The following VILL variants were observed in gnomAD, a reference collection of about 807,000 sequenced individuals.
VILL encodes the protein villin-like protein.
A neutral mutation model predicts 106.3 loss-of-function variants in VILL; 102 were observed. The observed-to-expected ratio is 0.96, with a 90% confidence interval of 0.82 to 1.13. VILL has a LOEUF of 1.13. VILL is among the 50% of genes most tolerant of loss of function. VILL has a pLI of 0.00. For synonymous variants in VILL, 431 were observed against 440.3 expected, an observed-to-expected ratio of 0.98 and a Z score of 0.27; for missense variants, 1,076 against 1,116.6, an observed-to-expected ratio of 0.96 and a Z score of 0.52.
At position 38,004,414 on chromosome 3, in the gene VILL, C is replaced by A; in HGVS notation, c.1950+15C>A. 1 of 1,599,470 alleles carries A rather than the reference C, an allele frequency of 6.3e-7. No individual in the cohort carries two copies. Among genetic ancestry groups the A allele is most frequent in the Non-Finnish European group, 8.6e-7 (1 of 1,167,886 alleles). The stretch of plus-strand genomic sequence containing the variant: ...CCTGGCAGGAGGTAAGGTGGCCATC[C>A]CTGCCTGGTGGGGCTGTGAACGGGG... On this transcript the variant is annotated intron_variant, in intron 16 of 19. Coordinates refer to ENST00000383759, the MANE Select transcript of VILL (RefSeq NM_015873.4).
rs138976453 is a variant in VILL at position 38,004,293 on chromosome 3, T to G, written c.1844T>G (p.Phe615Cys). The change falls in exon 16 of 20, where the codon TTT (phenylalanine) becomes TGT (cysteine). Residue 615 changes from phenylalanine (F) to cysteine (C), a missense_variant. Phe to Cys is a radical substitution (Grantham distance 205, BLOSUM62 -2). Coordinates refer to ENST00000383759, the MANE Select transcript of VILL (RefSeq NM_015873.4). ...GTCCCCAGCTTCCAGCCACGACTGT[T>G]TGAGTGCTCCAGCCACATGGGCTGC... ...EEVPSFQPRL[F>C]ECSSHMGCLV... The G allele has an allele frequency of 5.0e-6, 8 of 1,613,664 alleles. No individual in the cohort carries two copies. In the African/African-American group the frequency reaches 9.3e-5, roughly 19 times the overall value.
At chr3:37,989,519 G>T (rs953517318), upstream of VILL, among the ~76,000 whole-genome samples, 2 of 152,198 alleles carry the variant, frequency 1.3e-5, no homozygotes, top group African/African-American at 4.8e-5. Flanking sequence ...ACTGACTGCC[G>T]CTTGGTTGAC....
chr3:38,004,372 C>T lies in VILL; in HGVS notation c.1923C>T (p.Asp641=), dbSNP rs1438733345. The change falls in exon 16 of 20, where the codon GAC becomes GAT. Residue 641 remains aspartate (D), a synonymous_variant. Coordinates refer to ENST00000383759, the MANE Select transcript of VILL (RefSeq NM_015873.4). ...GCCAGGAGGACCTGGACAAGTATGACATCATGTTACTGGACACCTGGCAGG... is the reference window on the plus strand; with the variant it reads ...GCCAGGAGGACCTGGACAAGTATGATATCATGTTACTGGACACCTGGCAGG... ...FFSQEDLDKY[D]IMLLDTWQEI... 3 of 1,611,000 alleles carry T rather than the reference C, an allele frequency of 1.9e-6. No individual in the cohort carries two copies. In the South Asian group the frequency reaches 3.3e-5, roughly 18 times the overall value.
Position 38,001,440 on chromosome 3 carries a change from G to A in VILL, c.1183-16G>A. 1.9e-6 allele frequency: 3 copies of A among 1,613,048 alleles called. No individual in the cohort carries two copies. Among genetic ancestry groups the A allele is most frequent in the Non-Finnish European group, 2.5e-6 (3 of 1,179,388 alleles). The stretch of plus-strand genomic sequence containing the variant: ...GAAGAGCAGCCACCTGTGCCCATTG[G>A]TCCCTTATTCCCCAGGTGTGGTGCA... On this transcript the variant is annotated splice_polypyrimidine_tract_variant and intron_variant, in intron 11 of 19. Transcript: ENST00000383759.
intron 5 of VILL, 88 bp from the exon 6 acceptor site, chr3:37,996,989 T>G (rs1699713529): frequency 8.4e-7 from 1 of 1,185,478 alleles, no homozygotes; most frequent in Non-Finnish European, 1.2e-6. Context: ...TGCATACAGC[T>G]TCATGCACAC....
At chr3:38,005,658 C>A in intron 16 of VILL, 134 bp from the exon 17 acceptor site, 1 of 928,950 alleles carries the variant, frequency 1.1e-6, no homozygotes, top group Non-Finnish European at 1.6e-6. Flanking sequence ...CAGCCGCTTG[C>A]TGGGTGTGTC....
chr3:38,006,679 C>T lies in VILL; in HGVS notation c.2436C>T (p.Gly812=), dbSNP rs781044999. 2.7e-5 allele frequency: 44 copies of T among 1,607,988 alleles called. No homozygotes were observed. Among genetic ancestry groups the T allele is most frequent in the Non-Finnish European group, 3.3e-5 (39 of 1,176,338 alleles). The change falls in exon 19 of 20, where the codon GGC becomes GGT. Residue 812 remains glycine (G), a synonymous_variant. Transcript: ENST00000383759. ...MHQAVEDLPE[G]VDPARREFYL... ...AGGCTGTTGAGGACCTGCCAGAGGG[C>T]GTGGACCCTGCCCGCAGGGAGGTGG...
At chr3:37,993,809 C>T in intron 2 of VILL, 77 bp downstream of exon 2, 1 of 1,607,088 alleles carries the variant, frequency 6.2e-7, no homozygotes, top group East Asian at 2.2e-5. Flanking sequence ...TCTCCCGCCC[C>T]CAACTCAGAG....
rs73060813 is a variant in VILL, at chr3:37,997,441, G to A, written c.562-42G>A. Reference sequence around the variant, plus strand: ...ACAGGAGAAGTCTCTGCTGTGAGAGGGCACACTGGTGACACCCTGACTCCC... The same window carrying A: ...ACAGGAGAAGTCTCTGCTGTGAGAGAGCACACTGGTGACACCCTGACTCCC... On this transcript the variant is annotated intron_variant, in intron 6 of 19. Transcript: ENST00000383759. The surrounding 1 kb of genome is among the most constrained non-coding windows in gnomAD (Gnocchi z 4.7). The A allele has an allele frequency of 6.2e-7, 1 of 1,600,592 alleles. No individual in the cohort carries two copies. The highest frequency in any genetic ancestry group is 8.5e-7 in the Non-Finnish European group (1 of 1,172,800).
chr3:38,005,994 C>T lies in VILL; in HGVS notation c.2133+20C>T, dbSNP rs775505523. On this transcript the variant is annotated intron_variant, in intron 17 of 19. Transcript: ENST00000383759. ...TGGACTGTGAGTGAGGCCTGAAACC[C>T]CCAGCCCTACCCTAATTTGTGGGGA... is the stretch of plus-strand genomic sequence containing the variant. 6.3e-7 allele frequency: 1 copy of T among 1,599,850 alleles called. No homozygotes were observed. The highest frequency in any genetic ancestry group is 8.5e-7 in the Non-Finnish European group (1 of 1,170,678).
chr3:38,003,311 G>C lies in VILL; in HGVS notation c.1803G>C (p.Lys601Asn), dbSNP rs1255543113. The C allele has an allele frequency of 3.7e-6, 6 of 1,607,256 alleles. No homozygotes were observed. Among genetic ancestry groups the C allele is most frequent in the South Asian group, 1.1e-5 (1 of 89,960 alleles). The change falls in exon 15 of 20, where the codon AAG becomes AAC. Residue 601 changes from lysine (K) to asparagine (N), a missense_variant and splice_region_variant. By Grantham distance (94) the Lys-to-Asn change is moderately conservative. Coordinates refer to ENST00000383759, the MANE Select transcript of VILL (RefSeq NM_015873.4). ...GCCGGGCCCCCTACCCCAGCAACAA[G>C]AGGTAACAGGGTTGGGAGGAGAGTG... The part of the protein sequence containing the change: ...LGGRAPYPSN[K>N]RLPEEVPSFQ...
intron 4 of VILL, among the ~76,000 whole-genome samples, chr3:37,994,811 C>T (rs1478328851): frequency 6.6e-6 from 1 of 152,266 alleles, no homozygotes; most frequent in African/African-American, 2.4e-5. Flanking sequence ...TATACATTTG[C>T]CTCTTCCGGG....
intron 10 of VILL, 109 bp downstream of exon 10, chr3:37,999,159 AG>A (rs1699766528): frequency 7.8e-6 from 1 of 128,766 alleles, no homozygotes; most frequent in Non-Finnish European, 1.2e-5. Flanking sequence ...GCGGGGCCGG[AG>A]GGGGCGGGGC....
intron 1 of VILL, 71 bp from the exon 2 acceptor site, chr3:37,993,516 T>A (rs1301788985): frequency 3.0e-6 from 2 of 663,282 alleles, no homozygotes; most frequent in East Asian, 5.5e-5. Context: ...AATCTGAGTC[T>A]TCATAGTCTG....
Position 38,007,110 on chromosome 3 carries a change from T to A in VILL, c.*55T>A. ...CTGGACCCCAACATACCTACAATGCTGGGGAGGCCCTGCTTCCACTCCCCT... is the reference window on the plus strand; with the variant it reads ...CTGGACCCCAACATACCTACAATGCAGGGGAGGCCCTGCTTCCACTCCCCT... On this transcript the variant is annotated 3_prime_UTR_variant, in exon 20 of 20. Transcript: ENST00000383759. The A allele has an allele frequency of 6.9e-7, 1 of 1,442,110 alleles. No homozygotes were observed. Among genetic ancestry groups the A allele is most frequent in the Non-Finnish European group, 9.7e-7 (1 of 1,030,844 alleles). 89.3% of individuals were successfully genotyped at this position (1,442,110 alleles called of 1,614,324 possible). A position where few individuals can be genotyped will look rare whatever the true frequency, so the allele number is the denominator to read the frequency against.
chr3:37,998,434 C>G lies in VILL; in HGVS notation c.942+70C>G. On this transcript the variant is annotated intron_variant, in intron 9 of 19. Coordinates refer to ENST00000383759, the MANE Select transcript of VILL (RefSeq NM_015873.4). This position sits in a 1 kb window ranked among gnomAD's most constrained non-coding sequence, Gnocchi z 4.1. ...GGGTCTGAGTGGGGAGGCAGCTCCG[C>G]CCCAGGGTCTAAGGGAGGAATCAGC... 1 of 1,427,346 alleles carries G rather than the reference C, an allele frequency of 7.0e-7. No homozygotes were observed. Among genetic ancestry groups the G allele is most frequent in the Non-Finnish European group, 9.8e-7 (1 of 1,017,590 alleles). The allele number at this position is 1,427,346 out of a possible 1,614,324, so 88.4% of individuals were successfully genotyped here.
Position 37,998,522 on chromosome 3 carries a change from C to T in VILL, c.942+158C>T, listed in dbSNP as rs375724430. 2.6e-5 allele frequency among the ~76,000 whole-genome samples: 4 copies of T among 152,212 alleles called. No individual in the cohort carries two copies. In the East Asian group the frequency reaches 7.8e-4, roughly 29 times the overall value. On this transcript the variant is annotated intron_variant, in intron 9 of 19. Coordinates refer to ENST00000383759, the MANE Select transcript of VILL (RefSeq NM_015873.4). This position sits in a 1 kb window ranked among gnomAD's most constrained non-coding sequence, Gnocchi z 4.1. ...AGTCTTAAAGGGGAGGTAGCCCTGC[C>T]CTGGGAGCCCTGAGAGTAAAGACCA...
upstream of VILL, among the ~76,000 whole-genome samples, chr3:37,988,925 T>G (rs1281249556): frequency 6.6e-6 from 1 of 152,238 alleles, no homozygotes; most frequent in African/African-American, 2.4e-5. Context: ...TACTACAATT[T>G]TTTAAATCTT....
Position 37,999,211 on chromosome 3 carries a change from A to AG in VILL, c.1082-124dup, listed in dbSNP as rs1204503860. The AG allele has an allele frequency of 2.8e-4, 314 of 1,110,908 alleles. 1 individual carries two copies. The highest frequency in any genetic ancestry group is 1.3e-3 in the Middle Eastern group (4 of 3,058). 68.8% of individuals were successfully genotyped at this position (1,110,908 alleles called of 1,614,324 possible). On this transcript the variant is annotated intron_variant, in intron 10 of 19. Transcript: ENST00000383759. ...CGGAACAGAGCCTCAGGATGAGGAA[A>AG]GGGGCGTGGGCTGCGGAGGACGCGG...
Sources: allele counts gnomAD v4.1 joint callset (sites outside exome capture counted in the v4.1 genomes callset), GRCh38; gene constraint gnomAD v4.1.1; non-coding constraint Gnocchi (gnomAD v3.1); transcripts MANE v1.5; gene names NCBI Gene and HGNC (gene_info 2026-07-23, HGNC 2026-07-21).